KIAA0825: variants seen among roughly 807,000 people sequenced by gnomAD.
KIAA0825 encodes the protein KIAA0825.
A neutral mutation model predicts 147.6 loss-of-function variants in KIAA0825; 119 were observed. The ratio of observed to expected loss-of-function variants is 0.81; its 90% CI spans 0.69 to 0.94. The LOEUF is 0.94. Ranked by LOEUF, KIAA0825 falls within the 40% of genes least tolerant of loss-of-function variation. The pLI is 0.00. For synonymous variants in KIAA0825, 470 were observed against 518.1 expected (o/e 0.91, Z 1.26); for missense variants, 1,381 against 1,472.7 (o/e 0.94, Z 1.02).
At chr5:94,320,801 G>A (rs966738228) in intron 20 of KIAA0825, among the ~76,000 whole-genome samples, 55 of 151,940 alleles carry the variant, frequency 3.6e-4, no homozygotes, top group African/African-American at 1.3e-3. Flanking sequence ...CATAAATCAT[G>A]TTTTACAAAA....
chr5:94,510,365 T>C (rs1766311765), intron 5 of KIAA0825, among the ~76,000 whole-genome samples: 1 of 152,214 alleles, frequency 6.6e-6, no homozygotes, highest in South Asian at 2.1e-4. Flanking sequence ...CTTGGGTACT[T>C]CTTATTGTCC....
At chr5:94,535,375 C>T (rs772250818) in intron 3 of KIAA0825, among the ~76,000 whole-genome samples, 30 of 150,714 alleles carry the variant, frequency 2.0e-4, no homozygotes, top group Admixed American at 4.0e-4. Context: ...CTGCGTGTGG[C>T]GGCGGGCACC....
chr5:94,402,780 A>G (rs1343637678), intron 16 of KIAA0825, among the ~76,000 whole-genome samples: 1 of 151,592 alleles, frequency 6.6e-6, no homozygotes, highest in Admixed American at 6.6e-5. Flanking sequence ...CCTTAGAGTT[A>G]GTGAAAATAT....
At chr5:94,431,144 T>C (rs1292079201) in intron 14 of KIAA0825, among the ~76,000 whole-genome samples, 2 of 152,050 alleles carry the variant, frequency 1.3e-5, no homozygotes, top group African/African-American at 4.8e-5. Flanking sequence ...AGGCATTCAG[T>C]ATAAAAAAAA....
intron 16 of KIAA0825, among the ~76,000 whole-genome samples, chr5:94,401,822 T>C (rs1327671832): frequency 1.3e-5 from 2 of 152,198 alleles, no homozygotes; most frequent in African/African-American, 4.8e-5. Flanking sequence ...GTGCCTGGTA[T>C]ATAGTAGTCT....
intron 14 of KIAA0825, among the ~76,000 whole-genome samples, chr5:94,431,155 T>G (rs1245996464): frequency 6.6e-6 from 1 of 152,088 alleles, no homozygotes; most frequent in African/African-American, 2.4e-5. Flanking sequence ...ATAAAAAAAA[T>G]GAAGAGAACC....
intron 13 of KIAA0825, among the ~76,000 whole-genome samples, chr5:94,452,051 A>G (rs1758482641): frequency 6.6e-6 from 1 of 152,230 alleles, no homozygotes; most frequent in Non-Finnish European, 1.5e-5. Flanking sequence ...GGACTCAAAC[A>G]TAAGTAATTA....
At chr5:94,440,881 G>T (rs569265187) in intron 13 of KIAA0825, among the ~76,000 whole-genome samples, 34 of 152,116 alleles carry the variant, frequency 2.2e-4, no homozygotes, top group African/African-American at 6.5e-4. Context: ...AATTTAGATT[G>T]GCTAACAGTT....
At chr5:94,426,040 A>G (rs1402712704) in intron 14 of KIAA0825, among the ~76,000 whole-genome samples, 1 of 149,690 alleles carries the variant, frequency 6.7e-6, no homozygotes, top group Non-Finnish European at 1.5e-5. Flanking sequence ...TATCATTATT[A>G]TTATTATTAT....
chr5:94,423,586 A>G (rs1186662730), intron 14 of KIAA0825, among the ~76,000 whole-genome samples: 2 of 152,102 alleles, frequency 1.3e-5, no homozygotes, highest in Non-Finnish European at 2.9e-5. Flanking sequence ...TACTTTCTAC[A>G]AGAATGTTGT....
At chr5:94,534,654 T>C (rs932039864) in intron 3 of KIAA0825, among the ~76,000 whole-genome samples, 1 of 152,166 alleles carries the variant, frequency 6.6e-6, no homozygotes, top group Non-Finnish European at 1.5e-5. Flanking sequence ...TAATGCAAAA[T>C]ACAATGTTTT....
chr5:94,249,219 T>C (rs1185547766), intron 20 of KIAA0825, among the ~76,000 whole-genome samples: 1 of 152,072 alleles, frequency 6.6e-6, no homozygotes, highest in South Asian at 2.1e-4. Context: ...TGGGTAAATA[T>C]AGAACAAAAA....
chr5:94,252,105 T>C (rs1187401142), intron 20 of KIAA0825, among the ~76,000 whole-genome samples: 10 of 152,084 alleles, frequency 6.6e-5, no homozygotes, highest in Non-Finnish European at 1.3e-4. Flanking sequence ...GGTAATCTTA[T>C]GCTATTAAAA....
At chr5:94,594,432 C>T in intron 1 of KIAA0825, 1 of 731,330 alleles carries the variant, frequency 1.4e-6, no homozygotes, top group Non-Finnish European at 2.6e-6. Context: ...TCCTTATTAC[C>T]ATACAGTAGA....
intron 20 of KIAA0825, among the ~76,000 whole-genome samples, chr5:94,196,654 G>T (rs1771158554): frequency 6.6e-6 from 1 of 151,956 alleles, no homozygotes; most frequent in Admixed American, 6.6e-5. Context: ...AATGTCTATT[G>T]TTCCCATCTT....
chr5:94,386,651 T>G (rs1004492340), intron 18 of KIAA0825, among the ~76,000 whole-genome samples: 8 of 152,200 alleles, frequency 5.3e-5, no homozygotes, highest in African/African-American at 1.4e-4. Flanking sequence ...CAAACTCTTA[T>G]ATAATGAATA....
intron 1 of KIAA0825, among the ~76,000 whole-genome samples, chr5:94,598,660 A>G (rs913929725): frequency 3.2e-4 from 48 of 152,276 alleles, no homozygotes; most frequent in African/African-American, 1.1e-3. Flanking sequence ...TTATATTTTT[A>G]TAAAACTGGT....
chr5:94,538,293 G>T (rs1444134306), intron 2 of KIAA0825, among the ~76,000 whole-genome samples: 3 of 152,234 alleles, frequency 2.0e-5, no homozygotes, highest in Non-Finnish European at 4.4e-5. Flanking sequence ...AGGAATATCA[G>T]GGAAGGTCTC....
chr5:94,249,063 C>T (rs780608428), intron 20 of KIAA0825, among the ~76,000 whole-genome samples: 25 of 151,838 alleles, frequency 1.6e-4, no homozygotes, highest in Non-Finnish European at 2.8e-4. Context: ...TAAGGAAGCC[C>T]GATCGGGTTA....
Sources: gnomAD v4.1 joint callset for allele counts (sites outside exome capture counted in the v4.1 genomes callset) on GRCh38, gnomAD v4.1.1 for gene constraint, MANE v1.5 for transcripts, NCBI Gene and HGNC (gene_info 2026-07-23, HGNC 2026-07-21) for gene names.